Variants in RGS12 observed in about 807,000 individuals in gnomAD.
RGS12 encodes the protein regulator of G protein signaling 12.
RGS12 carries 66 observed loss-of-function variants against 120.1 expected under a neutral mutation model. The ratio of observed to expected loss-of-function variants is 0.55; its 90% CI spans 0.45 to 0.67. RGS12 has a LOEUF of 0.67. Among genes scored for constraint, RGS12 ranks in the 30% least tolerant of loss-of-function variants. The pLI, the probability that RGS12 is intolerant of heterozygous loss-of-function variation, is 0.00. For missense variants in RGS12, 1,859 were observed against 1,957.7 expected, an observed-to-expected ratio of 0.95 and a Z score of 0.95; for synonymous variants, 827 against 804.7, an observed-to-expected ratio of 1.03 and a Z score of -0.47.
chr4:3,315,743 C>T (rs892254366), intron 1 of RGS12, among the ~76,000 whole-genome samples: 1 of 152,228 alleles, frequency 6.6e-6, no homozygotes, highest in Non-Finnish European at 1.5e-5. Flanking sequence ...GCTGCCAGTC[C>T]ACGGACCACA....
chr4:3,371,053 A>G (rs1244869383), intron 3 of RGS12, among the ~76,000 whole-genome samples: 2 of 152,236 alleles, frequency 1.3e-5, no homozygotes, highest in African/African-American at 4.8e-5. Context: ...TAGAGAAGCG[A>G]AGGACAAACT....
intron 1 of RGS12, among the ~76,000 whole-genome samples, chr4:3,304,272 C>A (rs1723853274): frequency 6.6e-6 from 1 of 152,178 alleles, no homozygotes; most frequent in Admixed American, 6.5e-5. Context: ...ATGTATTATT[C>A]AAAAACTATG....
intron 17 of RGS12, among the ~76,000 whole-genome samples, chr4:3,435,543 T>TAGAGCCCCCTCTCTCC (rs1724723788): frequency 9.0e-6 from 1 of 110,550 alleles, no homozygotes. Flanking sequence ...CCCCTCTCCC[T>TAGAGCCCCCTCTCTCC]AGAGCCCCCT....
intron 1 of RGS12, among the ~76,000 whole-genome samples, chr4:3,300,709 C>T (rs1031569764): frequency 6.6e-6 from 1 of 152,198 alleles, no homozygotes; most frequent in Non-Finnish European, 1.5e-5. Flanking sequence ...TGCATTGCTC[C>T]AGTCCCTGCC....
chr4:3,302,142 G>T (rs527993615), intron 1 of RGS12, among the ~76,000 whole-genome samples: 3 of 152,226 alleles, frequency 2.0e-5, no homozygotes, highest in Non-Finnish European at 4.4e-5. Flanking sequence ...TTGACCTTCA[G>T]TGTTCCAAAG....
chr4:3,379,019 G>T (rs60006529), intron 3 of RGS12, among the ~76,000 whole-genome samples: 1 of 148,236 alleles, frequency 6.7e-6, no homozygotes, highest in African/African-American at 2.6e-5. Flanking sequence ...GTGTGTGTGT[G>T]TGTGTGTGTG....
intron 3 of RGS12, among the ~76,000 whole-genome samples, chr4:3,379,874 C>T (rs1429652853): frequency 6.6e-6 from 1 of 152,180 alleles, no homozygotes; most frequent in Non-Finnish European, 1.5e-5. Context: ...CATAGCGAAA[C>T]TGCATCGTTC....
At chr4:3,422,652 A>G in intron 11 of RGS12, 82 bp downstream of exon 11, 1 of 1,445,540 alleles carries the variant, frequency 6.9e-7, no homozygotes, top group Non-Finnish European at 9.4e-7. Flanking sequence ...CAGAGTCCTC[A>G]GGCTGCCCCC....
rs1037880474 is a variant in RGS12, at chr4:3,366,352, C to T, written c.1999-20064C>T. On this transcript the variant is annotated intron_variant, in intron 3 of 17. Coordinates refer to ENST00000336727, the MANE Select transcript of RGS12 (RefSeq NM_001394154.1). This position sits in a 1 kb window ranked among gnomAD's most constrained non-coding sequence, Gnocchi z 4.0. ...GAGGGCCCTGCCCATAGAGGAGCCA[C>T]ACCTGGGCCTTTGGCTTGGCGACCA... Among the ~76,000 whole-genome samples, 2 of 152,134 alleles carry T rather than the reference C, an allele frequency of 1.3e-5. No homozygotes were observed. Among genetic ancestry groups the T allele is most frequent in the African/African-American group, 4.8e-5 (2 of 41,420 alleles).
At chr4:3,363,053 G>A in intron 3 of RGS12, among the ~76,000 whole-genome samples, 1 of 151,378 alleles carries the variant, frequency 6.6e-6, no homozygotes. Flanking sequence ...GGGTGTATGT[G>A]TGTGTGTGTG....
chr4:3,317,379 C>G lies in RGS12; in HGVS notation c.1209C>G (p.Arg403=). The G allele has an allele frequency of 6.2e-7, 1 of 1,614,094 alleles. No homozygotes were observed. The highest frequency in any genetic ancestry group is 8.5e-7 in the Non-Finnish European group (1 of 1,180,026). ...MGELIEGMRA[R]AFLDGDADAH... ...AGCTGATTGAGGGCATGCGGGCCCG[C>G]GCCTTTCTGGACGGGGACGCCGATG... is the stretch of plus-strand genomic sequence containing the variant. The change falls in exon 2 of 18, where the codon CGC becomes CGG. Residue 403 remains arginine (R), a synonymous_variant. Transcript: ENST00000336727.
At chr4:3,329,840 T>C (rs186309889) in intron 2 of RGS12, among the ~76,000 whole-genome samples, 2 of 141,994 alleles carry the variant, frequency 1.4e-5, no homozygotes, top group East Asian at 3.9e-4. Context: ...TACGTTTAGT[T>C]GAGGAAGGAG....
intron 4 of RGS12, among the ~76,000 whole-genome samples, chr4:3,400,730 TTAG>T (rs563894565): frequency 1.3e-5 from 2 of 149,164 alleles, no homozygotes; most frequent in South Asian, 4.2e-4. Context: ...GTAATACTCA[TTAG>T]TAATACTCAT....
chr4:3,331,021 G>T (rs1329599466), intron 2 of RGS12, among the ~76,000 whole-genome samples: 1 of 152,230 alleles, frequency 6.6e-6, no homozygotes, highest in African/African-American at 2.4e-5. Context: ...GTCTAGCTAA[G>T]ATTTCTATTC....
chr4:3,331,358 G>C (rs1350470786), intron 2 of RGS12, among the ~76,000 whole-genome samples: 1 of 152,010 alleles, frequency 6.6e-6, no homozygotes, highest in Non-Finnish European at 1.5e-5. Context: ...ATCTTGTGTT[G>C]TTTCAACTTC....
In RGS12 at chr4:3,309,857, G is replaced by C. The variant is rs1277515214; in HGVS notation, c.-101-6213G>C. ...GGTGTCTGCTGAGAACTGGGTGGGA[G>C]AGGAGCTGGGATCCGGGAATGGCAG... On this transcript the variant is annotated intron_variant, in intron 1 of 17. Transcript: ENST00000336727. Among the ~76,000 whole-genome samples the C allele has an allele frequency of 2.9e-5, 4 of 140,026 alleles. 1 individual carries two copies. Among genetic ancestry groups the C allele is most frequent in the Non-Finnish European group, 6.2e-5 (4 of 64,718 alleles). 91.9% of individuals were successfully genotyped at this position (140,026 alleles called of 152,430 possible). A position where few individuals can be genotyped will look rare whatever the true frequency, so the allele number is the denominator to read the frequency against.
chr4:3,320,174 A>G (rs1350686809), intron 2 of RGS12, among the ~76,000 whole-genome samples: 4 of 152,220 alleles, frequency 2.6e-5, no homozygotes, highest in African/African-American at 9.6e-5. Flanking sequence ...GTATGATGCC[A>G]TTTTAGATAA....
chr4:3,367,550 T>G (rs1716445733), intron 3 of RGS12, among the ~76,000 whole-genome samples: 1 of 152,234 alleles, frequency 6.6e-6, no homozygotes, highest in Non-Finnish European at 1.5e-5. Context: ...GCAGGGGCAA[T>G]GGGCTGGGGC....
intron 2 of RGS12, 90 bp from the exon 3 acceptor site, chr4:3,342,846 AT>A (rs1372972483): frequency 1.1e-6 from 1 of 870,370 alleles, no homozygotes; most frequent in South Asian, 1.4e-5. Flanking sequence ...GTTCCACAGT[AT>A]TCCTTGATTT....
Sources: allele counts gnomAD v4.1 joint callset (sites outside exome capture counted in the v4.1 genomes callset), GRCh38; gene constraint gnomAD v4.1.1; non-coding constraint Gnocchi (gnomAD v3.1); transcripts MANE v1.5; gene names NCBI Gene and HGNC (gene_info 2026-07-23, HGNC 2026-07-21).